KCNIP2: variants seen among roughly 807,000 people sequenced by gnomAD.
KCNIP2 encodes the protein potassium voltage-gated channel interacting protein 2.
KCNIP2 carries 19 observed loss-of-function variants against 39.0 expected under a neutral mutation model. That is an observed-to-expected ratio of 0.49 (90% confidence interval 0.34 to 0.71). The LOEUF (loss-of-function observed/expected upper bound fraction) is 0.71. KCNIP2 is among the 30% of genes least tolerant of loss of function. KCNIP2 has a pLI of 0.01. For missense variants in KCNIP2, 261 were observed against 346.0 expected, an observed-to-expected ratio of 0.75 and a Z score of 1.95; for synonymous variants, 111 against 131.2, an observed-to-expected ratio of 0.85 and a Z score of 1.05.
intron 1 of KCNIP2, among the ~76,000 whole-genome samples, chr10:101,832,324 G>GTGTC (rs1430198479): frequency 6.6e-6 from 1 of 151,608 alleles, no homozygotes; most frequent in African/African-American, 2.4e-5. Flanking sequence ...GTGTGTGTGT[G>GTGTC]TGTGTGTGTG....
At chr10:101,836,917 C>T (rs1022491092) in intron 1 of KCNIP2, among the ~76,000 whole-genome samples, 2 of 151,296 alleles carry the variant, frequency 1.3e-5, no homozygotes, top group African/African-American at 2.4e-5. Flanking sequence ...GCCGAGATCA[C>T]GCCACTGCAC....
chr10:101,831,505 C>T (rs896127774), intron 1 of KCNIP2, among the ~76,000 whole-genome samples: 5 of 152,108 alleles, frequency 3.3e-5, no homozygotes, highest in Non-Finnish European at 7.4e-5. Flanking sequence ...CCAAGGATTG[C>T]CTGGGTAAGA....
intron 1 of KCNIP2, among the ~76,000 whole-genome samples, chr10:101,835,945 C>A (rs1177434381): frequency 6.6e-6 from 1 of 152,232 alleles, no homozygotes; most frequent in Non-Finnish European, 1.5e-5. Flanking sequence ...TTAACCCAGT[C>A]TGACTCAGCC....
Position 101,827,707 on chromosome 10 carries a change from G to T in KCNIP2, c.747C>A (p.Phe249Leu), listed in dbSNP as rs759484365. 6.2e-7 allele frequency: 1 copy of T among 1,614,046 alleles called. No individual in the cohort carries two copies. The highest frequency in any genetic ancestry group is 8.5e-7 in the Non-Finnish European group (1 of 1,179,890). The change falls in exon 9 of 10, where the codon TTC (phenylalanine) becomes TTA (leucine). Residue 249 changes from phenylalanine (F) to leucine (L), a missense_variant. Coordinates refer to ENST00000356640, the MANE Select transcript of KCNIP2 (RefSeq NM_173191.3). The stretch of plus-strand genomic sequence containing the variant: ...GCTGTACCTTTTGACAAGACTCAAT[G>T]AATTCCTCAATGGTCACCACACCAT... ...NKDGVVTIEEFIESCQKDENI... is the reference protein window; with the variant it reads ...NKDGVVTIEELIESCQKDENI...
intron 2 of KCNIP2, 113 bp from the exon 3 acceptor site, chr10:101,830,010 C>T: frequency 1.6e-6 from 2 of 1,246,214 alleles, no homozygotes; most frequent in Non-Finnish European, 2.3e-6. Flanking sequence ...CAAAGGCACA[C>T]CCAACCAGCA....
In KCNIP2 at chr10:101,828,842, G is replaced by C; in HGVS notation, c.349-146C>G. On this transcript the variant is annotated intron_variant, in intron 4 of 9. Transcript: ENST00000356640. This position sits in a 1 kb window ranked among gnomAD's most constrained non-coding sequence, Gnocchi z 6.6. ...ACCACGTGGCTCATGTGATGGGAGG[G>C]AAGACTTCTTTCCCAGTGCACAAAT... The C allele has an allele frequency of 6.4e-7, 1 of 1,567,244 alleles. No homozygotes were observed. The highest frequency in any genetic ancestry group is 8.7e-7 in the Non-Finnish European group (1 of 1,156,056).
In KCNIP2 at chr10:101,827,110, T is replaced by G; in HGVS notation, c.*243A>C. The G allele has an allele frequency of 2.2e-6, 2 of 895,136 alleles. No individual in the cohort carries two copies. Among genetic ancestry groups the G allele is most frequent in the Admixed American group, 7.5e-5 (2 of 26,530 alleles). 55.4% of individuals were successfully genotyped at this position (895,136 alleles called of 1,614,324 possible). A position where few individuals can be genotyped will look rare whatever the true frequency, so the allele number is the denominator to read the frequency against. ...CAGGAGGGGCACTCTCAACACTGGG[T>G]GTCAGGCAGGAAGGGGGTGAGAGCT... On this transcript the variant is annotated 3_prime_UTR_variant, in exon 10 of 10. Transcript: ENST00000356640.
Position 101,826,590 on chromosome 10 carries a change from A to T in KCNIP2, c.*763T>A, listed in dbSNP as rs1473232388. On this transcript the variant is annotated 3_prime_UTR_variant, in exon 10 of 10. Coordinates refer to ENST00000356640, the MANE Select transcript of KCNIP2 (RefSeq NM_173191.3). ...CCCCCACCACAACCACCACCAACAC[A>T]TGCAGGAAGGAAGGAGAGGAAGCAA... The T allele has an allele frequency of 6.6e-6, 1 of 152,348 alleles. No individual in the cohort carries two copies. Among genetic ancestry groups the T allele is most frequent in the Non-Finnish European group, 1.5e-5 (1 of 68,038 alleles). 9.4% of individuals were successfully genotyped at this position (152,348 alleles called of 1,614,324 possible). A position where few individuals can be genotyped will look rare whatever the true frequency, so the allele number is the denominator to read the frequency against.
chr10:101,831,717 G>C (rs980893911), intron 1 of KCNIP2, among the ~76,000 whole-genome samples: 2 of 152,008 alleles, frequency 1.3e-5, no homozygotes, highest in Non-Finnish European at 2.9e-5. Flanking sequence ...AAGTAAAACA[G>C]GATGCATACA....
In KCNIP2 at chr10:101,840,138, AG is replaced by A. The variant is rs564810444; in HGVS notation, c.73+3357del. ...TTTTCTGGGTTCTGGCGGGGAGGCC[AG>A]GCAGGCACATGTGGGTTTTGAGAAA... On this transcript the variant is annotated intron_variant, in intron 1 of 9. Transcript: ENST00000356640. Among the ~76,000 whole-genome samples the A allele has an allele frequency of 3.3e-5, 5 of 151,528 alleles. No individual in the cohort carries two copies. The South Asian group carries it at 1.0e-3, about 32-fold the overall frequency.
intron 1 of KCNIP2, chr10:101,839,849 G>T: frequency 1.3e-6 from 2 of 1,590,404 alleles, no homozygotes; most frequent in Non-Finnish European, 1.7e-6. Context: ...ATGGTTTGGC[G>T]GCGAGCTCGG....
rs776223482 is a variant in KCNIP2 at position 101,829,882 on chromosome 10, G to T, written c.185C>A (p.Ala62Asp). The T allele has an allele frequency of 2.0e-6, 3 of 1,514,868 alleles. No homozygotes were observed. The highest frequency in any genetic ancestry group is 2.6e-6 in the Non-Finnish European group (3 of 1,134,716). 93.8% of individuals were successfully genotyped at this position (1,514,868 alleles called of 1,614,324 possible). Reference sequence around the variant, plus strand: ...GCGGGGTCTGTGGGGGCGGAGGGAGGCTGGGGCGGCTAATGCTGAAGGGAG... The same window carrying T: ...GCGGGGTCTGTGGGGGCGGAGGGAGTCTGGGGCGGCTAATGCTGAAGGGAG... ...PSVSETLAAP[A>D]SLRPHRPRLL... is the part of the protein sequence containing the mutation. The change falls in exon 3 of 10, where the codon GCC becomes GAC. Residue 62 changes from alanine to aspartate, a missense_variant. Ala to Asp is a moderately radical substitution (Grantham distance 126). Coordinates refer to ENST00000356640, the MANE Select transcript of KCNIP2 (RefSeq NM_173191.3).
rs549579073 is a variant in KCNIP2, at chr10:101,826,513, G to A, written c.*840C>T. ...TCAAAACAGGGACGATAAGCAAGGA[G>A]GGTGGGATGAAATTTTGGCAGGCAT... On this transcript the variant is annotated 3_prime_UTR_variant, in exon 10 of 10. Transcript: ENST00000356640. 1 of 152,466 alleles carries A rather than the reference G, an allele frequency of 6.6e-6. No homozygotes were observed. The highest frequency in any genetic ancestry group is 2.1e-4 in the South Asian group (1 of 4,830). 9.4% of individuals were successfully genotyped at this position (152,466 alleles called of 1,614,324 possible).
intron 1 of KCNIP2, among the ~76,000 whole-genome samples, chr10:101,841,857 C>T (rs750388767): frequency 2.0e-5 from 3 of 152,210 alleles, no homozygotes; most frequent in Non-Finnish European, 2.9e-5. Flanking sequence ...TTGAAGGCCC[C>T]TAGGCCCTTA....
chr10:101,837,955 G>T (rs568392948), intron 1 of KCNIP2, among the ~76,000 whole-genome samples: 2 of 152,256 alleles, frequency 1.3e-5, no homozygotes, highest in South Asian at 4.2e-4. Flanking sequence ...CCTGGCCCTG[G>T]CCCCTCCTTT....
rs1226189585 is a variant in KCNIP2, at chr10:101,827,209, T to C, written c.*144A>G. ...CCCCTTCAGCTCCAGAGATCTGGACTACTGAATCCCCAAGCTCTTGGATCC... is the reference window on the plus strand; with the variant it reads ...CCCCTTCAGCTCCAGAGATCTGGACCACTGAATCCCCAAGCTCTTGGATCC... On this transcript the variant is annotated 3_prime_UTR_variant, in exon 10 of 10. Transcript: ENST00000356640. 3 of 1,368,142 alleles carry C rather than the reference T, an allele frequency of 2.2e-6. No individual in the cohort carries two copies. In the East Asian group the frequency reaches 7.3e-5, roughly 33 times the overall value. 84.8% of individuals were successfully genotyped at this position (1,368,142 alleles called of 1,614,324 possible).
chr10:101,829,563 C>T (rs1234755154), intron 3 of KCNIP2: 2 of 485,478 alleles, frequency 4.1e-6, no homozygotes, highest in Non-Finnish European at 7.2e-6. Context: ...GAGCTCCGGG[C>T]CTTCGGGGAC....
chr10:101,841,652 GA>G (rs2066342983), intron 1 of KCNIP2, among the ~76,000 whole-genome samples: 1 of 152,208 alleles, frequency 6.6e-6, no homozygotes, highest in Admixed American at 6.5e-5. Flanking sequence ...TTACAGATGA[GA>G]AAGGTGAGGC....
intron 1 of KCNIP2, among the ~76,000 whole-genome samples, chr10:101,834,114 C>T (rs980343188): frequency 1.3e-5 from 2 of 152,024 alleles, no homozygotes; most frequent in Admixed American, 6.5e-5. Context: ...GTTGTATCCC[C>T]CAAGCACCCC....
Sources: gnomAD v4.1 joint callset for allele counts (sites outside exome capture counted in the v4.1 genomes callset) on GRCh38, gnomAD v4.1.1 for gene constraint, Gnocchi (gnomAD v3.1) non-coding constraint, MANE v1.5 for transcripts, NCBI Gene and HGNC (gene_info 2026-07-23, HGNC 2026-07-21) for gene names.